TENM2: variants seen among roughly 807,000 people sequenced by gnomAD.
TENM2 encodes the protein teneurin-2.
A neutral mutation model predicts 245.2 loss-of-function variants in TENM2; 52 were observed. The ratio of observed to expected loss-of-function variants is 0.21; its 90% CI spans 0.17 to 0.27. The LOEUF (loss-of-function observed/expected upper bound fraction) is 0.27, where lower values mean the gene tolerates loss of function less well. Among genes scored for constraint, TENM2 ranks in the 10% least tolerant of loss-of-function variants. The pLI is 1.00. For missense variants in TENM2, 3,046 were observed against 3,666.8 expected (o/e 0.83, Z 4.37); for synonymous variants, 1,363 against 1,438.9 (o/e 0.95, Z 1.19).
chr5:167,683,797 G>A (rs75894956), intron 2 of TENM2, among the ~76,000 whole-genome samples: 231 of 152,234 alleles, frequency 1.5e-3, no homozygotes, highest in South Asian at 8.9e-3. Flanking sequence ...AATAACAATC[G>A]ATCTATGAAT....
At chr5:168,152,103 T>G (rs967046228) in intron 12 of TENM2, among the ~76,000 whole-genome samples, 4 of 152,214 alleles carry the variant, frequency 2.6e-5, no homozygotes, top group Non-Finnish European at 5.9e-5. Context: ...CTCCATTTCC[T>G]CACCTATAAA....
intron 12 of TENM2, among the ~76,000 whole-genome samples, chr5:168,159,322 C>A (rs1457144551): frequency 1.3e-5 from 2 of 152,034 alleles, no homozygotes; most frequent in South Asian, 2.1e-4. Flanking sequence ...AATGGGTATG[C>A]TTTAAGGGGC....
chr5:167,051,963 C>A, the TENM2 span, among the ~76,000 whole-genome samples: 7 of 152,058 alleles, frequency 4.6e-5, no homozygotes, highest in Non-Finnish European at 1.0e-4. Flanking sequence ...ATTCTCTTTG[C>A]AGTTTTTTCT....
At chr5:168,162,135 A>G (rs886337912) in intron 12 of TENM2, among the ~76,000 whole-genome samples, 1 of 152,130 alleles carries the variant, frequency 6.6e-6, no homozygotes, top group Non-Finnish European at 1.5e-5. Flanking sequence ...TGATAATCCT[A>G]TGTAAATATA....
the TENM2 span, among the ~76,000 whole-genome samples, chr5:167,214,420 T>C: frequency 6.6e-6 from 1 of 152,206 alleles, no homozygotes; most frequent in Non-Finnish European, 1.5e-5. Context: ...ATCAAGCCTT[T>C]TGCGAGCTAA....
downstream of TENM2, chr5:168,263,004 TA>T (rs1233418610): frequency 1.0e-4 from 54 of 536,218 alleles, 1 homozygote; most frequent in Middle Eastern, 5.4e-3. Flanking sequence ...TGAAGTAGAC[TA>T]AAGCCCGGCT....
chr5:168,200,065 T>C, exon 17 of TENM2: 2 of 1,613,928 alleles, frequency 1.2e-6, no homozygotes, highest in East Asian at 2.2e-5. Context: ...CAACCTGGCC[T>C]ACACCTTCAT....
intron 2 of TENM2, among the ~76,000 whole-genome samples, chr5:167,458,732 A>G (rs1243367706): frequency 6.6e-6 from 1 of 152,144 alleles, no homozygotes. Context: ...TTATTATATA[A>G]ACACATTTTA....
intron 3 of TENM2, among the ~76,000 whole-genome samples, chr5:167,925,238 CA>C (rs1483421491): frequency 1.3e-5 from 2 of 152,142 alleles, no homozygotes; most frequent in Non-Finnish European, 2.9e-5. Context: ...GGATCAACCT[CA>C]AAAATGTTAT....
upstream of TENM2, among the ~76,000 whole-genome samples, chr5:167,281,037 G>C (rs1771026837): frequency 6.6e-6 from 1 of 151,796 alleles, no homozygotes; most frequent in South Asian, 2.1e-4. Flanking sequence ...TTTATAGTCT[G>C]CCTGATTTTT....
At chr5:167,546,149 G>T (rs1340292580) in intron 2 of TENM2, among the ~76,000 whole-genome samples, 1 of 152,132 alleles carries the variant, frequency 6.6e-6, no homozygotes, top group Admixed American at 6.5e-5. Flanking sequence ...TGAAGCAGAG[G>T]TTTGAACTCA....
chr5:167,259,109 G>T, the TENM2 span, among the ~76,000 whole-genome samples: 1 of 152,172 alleles, frequency 6.6e-6, no homozygotes, highest in Non-Finnish European at 1.5e-5. Context: ...CACAGGTAAT[G>T]CTGGTACTAC....
At chr5:167,315,781 T>G (rs1468134364) in intron 1 of TENM2, among the ~76,000 whole-genome samples, 2 of 152,132 alleles carry the variant, frequency 1.3e-5, no homozygotes, top group Admixed American at 1.3e-4. Context: ...GTGGACGGGC[T>G]GTCTCTGGGA....
the TENM2 span, among the ~76,000 whole-genome samples, chr5:167,102,150 C>G: frequency 1.3e-5 from 2 of 150,770 alleles, no homozygotes; most frequent in African/African-American, 4.9e-5. Context: ...TGCGTGAATC[C>G]AGGAGGCGGA....
intron 2 of TENM2, among the ~76,000 whole-genome samples, chr5:167,767,993 C>A (rs1763151264): frequency 6.6e-6 from 1 of 152,158 alleles, no homozygotes; most frequent in African/African-American, 2.4e-5. Flanking sequence ...CAGTCATATG[C>A]TCAGTGTGAA....
chr5:168,000,756 G>C (rs1048110974), intron 5 of TENM2, among the ~76,000 whole-genome samples: 1 of 152,174 alleles, frequency 6.6e-6, no homozygotes, highest in African/African-American at 2.4e-5. Context: ...CATGTGAATA[G>C]GTAGGTCCGT....
chr5:168,259,835 G>A (rs973834767), intron 27 of TENM2, among the ~76,000 whole-genome samples: 4 of 152,228 alleles, frequency 2.6e-5, no homozygotes, highest in African/African-American at 9.6e-5. Context: ...GCTAAATAAA[G>A]GAGTTGATAT....
At chr5:167,526,602 A>T (rs929005413) in intron 2 of TENM2, among the ~76,000 whole-genome samples, 2 of 152,002 alleles carry the variant, frequency 1.3e-5, no homozygotes, top group South Asian at 2.1e-4. Context: ...TAGAATCAAT[A>T]TATATTTTTA....
intron 2 of TENM2, among the ~76,000 whole-genome samples, chr5:167,382,750 C>T (rs1348087223): frequency 6.6e-6 from 1 of 152,074 alleles, no homozygotes; most frequent in Non-Finnish European, 1.5e-5. Flanking sequence ...AACTCACTTA[C>T]AGTGAGAAAG....
Sources: gnomAD v4.1 joint callset for allele counts (sites outside exome capture counted in the v4.1 genomes callset) on GRCh38, gnomAD v4.1.1 for gene constraint, MANE v1.5 for transcripts, NCBI Gene and HGNC (gene_info 2026-07-23, HGNC 2026-07-21) for gene names.